FEZ1: variants seen among roughly 807,000 people sequenced by gnomAD.
FEZ1 encodes the protein fasciculation and elongation protein zeta-1.
A neutral mutation model predicts 49.3 loss-of-function variants in FEZ1; 20 were observed. The observed-to-expected ratio is 0.41, with a 90% CI of 0.29 to 0.59. The LOEUF (loss-of-function observed/expected upper bound fraction) is 0.59, where lower values mean the gene tolerates loss of function less well. Ranked by LOEUF, FEZ1 falls within the 20% of genes least tolerant of loss-of-function variation. FEZ1 has a pLI of 0.36. For synonymous variants in FEZ1, 170 were observed against 180.9 expected (o/e 0.94, Z 0.48); for missense variants, 413 against 476.0 (o/e 0.87, Z 1.23).
At chr11:125,471,553 A>G (rs1271939357) in intron 3 of FEZ1, among the ~76,000 whole-genome samples, 1 of 152,164 alleles carries the variant, frequency 6.6e-6, no homozygotes, top group East Asian at 1.9e-4. Flanking sequence ...AGAAAGAATG[A>G]CATTTCATAA....
intron 1 of FEZ1, among the ~76,000 whole-genome samples, chr11:125,493,446 G>GA: frequency 2.1e-5 from 1 of 47,642 alleles, no homozygotes; most frequent in Admixed American, 2.0e-4. Context: ...AAGAAGGAAA[G>GA]AAGGAAAGAA....
At chr11:125,478,598 G>A (rs1485859298) in intron 3 of FEZ1, among the ~76,000 whole-genome samples, 6 of 152,304 alleles carry the variant, frequency 3.9e-5, no homozygotes, top group South Asian at 4.1e-4. Context: ...CTGGTAAATC[G>A]TTTAAACTTA....
chr11:125,458,020 G>C (rs1327807990), intron 5 of FEZ1, among the ~76,000 whole-genome samples: 1 of 152,052 alleles, frequency 6.6e-6, no homozygotes, highest in Non-Finnish European at 1.5e-5. Context: ...TCTATCTTTG[G>C]GACCTTTGTG....
At position 125,444,411 on chromosome 11, in the gene FEZ1, C is replaced by A. The variant is rs1036826315; in HGVS notation, c.*1684G>T. Among the ~76,000 whole-genome samples, 1 of 152,166 alleles carries A rather than the reference C, an allele frequency of 6.6e-6. No individual in the cohort carries two copies. Among genetic ancestry groups the A allele is most frequent in the Non-Finnish European group, 1.5e-5 (1 of 68,026 alleles). ...GACCAACCTGACCAACATGTAGAAA[C>A]CTGGTCTCTACTAAAAATATAAAAT... On this transcript the variant is annotated 3_prime_UTR_variant, in exon 10 of 10. Coordinates refer to ENST00000278919, the MANE Select transcript of FEZ1 (RefSeq NM_005103.5).
intron 3 of FEZ1, among the ~76,000 whole-genome samples, chr11:125,469,980 G>C (rs1404153270): frequency 4.6e-5 from 7 of 152,052 alleles, no homozygotes; most frequent in African/African-American, 1.7e-4. Context: ...CTCCCAAAGT[G>C]CTAGGATTAT....
chr11:125,479,053 C>T (rs1177549885), intron 3 of FEZ1, among the ~76,000 whole-genome samples: 2 of 152,166 alleles, frequency 1.3e-5, no homozygotes, highest in African/African-American at 4.8e-5. Flanking sequence ...AGAACATGCA[C>T]AGCCGAGAGT....
In FEZ1 at chr11:125,489,909, T is replaced by A; in HGVS notation, c.-45-87A>T. 1.7e-6 allele frequency: 2 copies of A among 1,206,928 alleles called. No individual in the cohort carries two copies. Among genetic ancestry groups the A allele is most frequent in the Non-Finnish European group, 2.2e-6 (2 of 916,010 alleles). The allele number at this position is 1,206,928 out of a possible 1,614,324, so 74.8% of individuals were successfully genotyped here. A position where few individuals can be genotyped will look rare whatever the true frequency, so the allele number is the denominator to read the frequency against. On this transcript the variant is annotated intron_variant, in intron 1 of 9. Transcript: ENST00000278919. This position sits in a 1 kb window ranked among gnomAD's most constrained non-coding sequence, Gnocchi z 4.2. Reference sequence around the variant, plus strand: ...CTTTAGAGACACACCTGCTTCCAATTCCCTACTCCAAAAAACAAGGCACTG... The same window carrying A: ...CTTTAGAGACACACCTGCTTCCAATACCCTACTCCAAAAAACAAGGCACTG...
At chr11:125,470,809 G>A (rs938339686) in intron 3 of FEZ1, among the ~76,000 whole-genome samples, 1 of 151,990 alleles carries the variant, frequency 6.6e-6, no homozygotes. Context: ...TAAATACATA[G>A]GTAAATATTT....
At chr11:125,472,880 T>C (rs1213759450) in intron 3 of FEZ1, among the ~76,000 whole-genome samples, 2 of 152,192 alleles carry the variant, frequency 1.3e-5, no homozygotes, top group Non-Finnish European at 2.9e-5. Flanking sequence ...AACCAATTAA[T>C]GTAATTCATC....
At chr11:125,474,296 C>A (rs1447548700) in intron 3 of FEZ1, among the ~76,000 whole-genome samples, 2 of 151,224 alleles carry the variant, frequency 1.3e-5, no homozygotes, top group Non-Finnish European at 2.9e-5. Flanking sequence ...CCTTGGCCTC[C>A]CAAAGTGCTG....
chr11:125,474,665 G>A (rs1043758904), intron 3 of FEZ1, among the ~76,000 whole-genome samples: 7 of 151,970 alleles, frequency 4.6e-5, no homozygotes, highest in African/African-American at 1.2e-4. Flanking sequence ...CAAGGCAGGC[G>A]GATCACAAGG....
chr11:125,474,925 A>G (rs1471746679), intron 3 of FEZ1, among the ~76,000 whole-genome samples: 3 of 152,074 alleles, frequency 2.0e-5, no homozygotes, highest in African/African-American at 7.2e-5. Context: ...AATACTAAGA[A>G]CACAAACAAT....
intron 3 of FEZ1, among the ~76,000 whole-genome samples, chr11:125,476,027 T>G (rs1405628024): frequency 1.3e-5 from 2 of 152,216 alleles, no homozygotes; most frequent in Non-Finnish European, 2.9e-5. Flanking sequence ...TACATTGAGT[T>G]TAATAAGCCA....
At chr11:125,457,430 AT>A (rs1218995979) in intron 5 of FEZ1, among the ~76,000 whole-genome samples, 424 of 20,406 alleles carry the variant, frequency 0.021, 3 homozygotes, top group Non-Finnish European at 0.026. Context: ...AAAAAAAAAA[AT>A]ATATATATAT....
At position 125,444,695 on chromosome 11, in the gene FEZ1, T is replaced by C. The variant is rs1227582969; in HGVS notation, c.*1400A>G. ...GTGGAGCTGCTGATGTGATAAAGTA[T>C]GGCTTTCTCTGTGGCATGCTTAGTT... On this transcript the variant is annotated 3_prime_UTR_variant, in exon 10 of 10. Transcript: ENST00000278919. Among the ~76,000 whole-genome samples, 1 of 152,188 alleles carries C rather than the reference T, an allele frequency of 6.6e-6. No individual in the cohort carries two copies. Among genetic ancestry groups the C allele is most frequent in the Non-Finnish European group, 1.5e-5 (1 of 68,048 alleles).
intron 8 of FEZ1, among the ~76,000 whole-genome samples, chr11:125,451,961 C>T (rs910561186): frequency 6.6e-6 from 1 of 152,170 alleles, no homozygotes; most frequent in African/African-American, 2.4e-5. Flanking sequence ...GCACAAGTGC[C>T]GACCAGGCAA....
At position 125,442,927 on chromosome 11, in the gene FEZ1, G is replaced by T. The variant is rs914565265; in HGVS notation, c.*3168C>A. Among the ~76,000 whole-genome samples, 24 of 151,752 alleles carry T rather than the reference G, an allele frequency of 1.6e-4. 1 individual carries two copies. The highest frequency in any genetic ancestry group is 5.6e-4 in the African/African-American group (23 of 41,306). ...ATTTTTGTATTTTCAGTAGAGAGGGGGTTTCACCATGTTGGCCAGGCTGGT... is the reference window on the plus strand; with the variant it reads ...ATTTTTGTATTTTCAGTAGAGAGGGTGTTTCACCATGTTGGCCAGGCTGGT... On this transcript the variant is annotated 3_prime_UTR_variant, in exon 10 of 10. Transcript: ENST00000278919.
intron 5 of FEZ1, among the ~76,000 whole-genome samples, chr11:125,458,229 A>G (rs758424859): frequency 1.3e-5 from 2 of 152,142 alleles, no homozygotes; most frequent in African/African-American, 2.4e-5. Context: ...AACCCTGACC[A>G]ACCCACCTTC....
intron 3 of FEZ1, among the ~76,000 whole-genome samples, chr11:125,475,319 A>C (rs1377208436): frequency 1.4e-5 from 2 of 145,300 alleles, no homozygotes; most frequent in Non-Finnish European, 3.0e-5. Context: ...CACATTGTAA[A>C]TAATCACTTG....
Sources: gnomAD v4.1 joint callset for allele counts (sites outside exome capture counted in the v4.1 genomes callset) on GRCh38, gnomAD v4.1.1 for gene constraint, Gnocchi (gnomAD v3.1) non-coding constraint, MANE v1.5 for transcripts, NCBI Gene and HGNC (gene_info 2026-07-23, HGNC 2026-07-21) for gene names.